The following CREB5 variants were observed in gnomAD, a reference collection of about 807,000 sequenced individuals.
CREB5 encodes cAMP responsive element binding protein 5.
CREB5 carries 19 observed loss-of-function variants against 57.1 expected under a neutral mutation model. That is an observed-to-expected ratio of 0.33 (90% CI 0.23 to 0.49). CREB5 has a LOEUF of 0.49. Ranked by LOEUF, CREB5 falls within the 20% of genes least tolerant of loss-of-function variation. The probability of loss-of-function intolerance (pLI) is 0.99; values close to 1 mark genes in which losing one functional copy is unlikely to be tolerated. For missense variants in CREB5, 579 were observed against 671.6 expected (o/e 0.86, Z 1.52); for synonymous variants, 238 against 238.3 (o/e 1.00, Z 0.01).
At chr7:28,659,565 G>A (rs1799510941) in intron 5 of CREB5, among the ~76,000 whole-genome samples, 1 of 152,102 alleles carries the variant, frequency 6.6e-6, no homozygotes, top group Non-Finnish European at 1.5e-5. Context: ...TGGAAAACAA[G>A]TTATATAAAT....
chr7:28,483,633 C>G (rs994596020), intron 1 of CREB5, among the ~76,000 whole-genome samples: 1 of 152,126 alleles, frequency 6.6e-6, no homozygotes, highest in African/African-American at 2.4e-5. Context: ...CCAAAGGTAT[C>G]GGACTACTCA....
chr7:28,419,707 C>T (rs140679135), intron 1 of CREB5, among the ~76,000 whole-genome samples: 11 of 152,228 alleles, frequency 7.2e-5, no homozygotes, highest in African/African-American at 2.2e-4. Context: ...TGCCCATGGA[C>T]ACATTGTAAC....
At chr7:28,613,781 GT>G (rs1251535927) in intron 5 of CREB5, among the ~76,000 whole-genome samples, 2 of 152,144 alleles carry the variant, frequency 1.3e-5, no homozygotes, top group African/African-American at 4.8e-5. Flanking sequence ...GGCCTCCGCG[GT>G]AATTCACAAA....
At chr7:28,394,062 C>G (rs1317319212) in intron 1 of CREB5, among the ~76,000 whole-genome samples, 3 of 86,102 alleles carry the variant, frequency 3.5e-5, no homozygotes, top group African/African-American at 5.0e-5. Flanking sequence ...TGGAGCAAGA[C>G]TCTGTCTCAA....
rs4722823 is a variant in CREB5 at position 28,610,975 on chromosome 7, G to A, written c.464+40438G>A. On this transcript the variant is annotated intron_variant, in intron 5 of 10. Transcript: ENST00000357727. ...GGAGAGGCATGGGCCAAGGTAGGGGGGTGTGTGTGTGAGTCCCCAGCTTTT... is the reference window on the plus strand; with the variant it reads ...GGAGAGGCATGGGCCAAGGTAGGGGAGTGTGTGTGTGAGTCCCCAGCTTTT... Among the ~76,000 whole-genome samples the A allele has an allele frequency of 5.9e-5, 9 of 151,948 alleles. No individual in the cohort carries two copies. The South Asian group carries it at 1.0e-3, about 18-fold the overall frequency.
At chr7:28,478,666 T>C (rs1398782401) in intron 1 of CREB5, among the ~76,000 whole-genome samples, 1 of 152,208 alleles carries the variant, frequency 6.6e-6, no homozygotes, top group African/African-American at 2.4e-5. Context: ...TCACAAGTGG[T>C]AAGGCATTGG....
At chr7:28,683,161 T>C (rs1800687347) in intron 5 of CREB5, among the ~76,000 whole-genome samples, 2 of 152,180 alleles carry the variant, frequency 1.3e-5, no homozygotes, top group Non-Finnish European at 2.9e-5. Context: ...GCCCCCCTTC[T>C]TCAGAGGAGC....
chr7:28,442,511 T>C (rs544325244), intron 1 of CREB5, among the ~76,000 whole-genome samples: 2 of 152,256 alleles, frequency 1.3e-5, no homozygotes, highest in East Asian at 3.9e-4. Context: ...TTTTTGTTTG[T>C]TTTTTGAGAA....
intron 5 of CREB5, among the ~76,000 whole-genome samples, chr7:28,583,902 T>C (rs553087565): frequency 6.6e-6 from 1 of 152,198 alleles, no homozygotes; most frequent in South Asian, 2.1e-4. Flanking sequence ...GGTCTCGAAC[T>C]CCCAACCTCA....
chr7:28,478,606 T>C (rs1398078663), intron 1 of CREB5, among the ~76,000 whole-genome samples: 1 of 152,166 alleles, frequency 6.6e-6, no homozygotes, highest in East Asian at 1.9e-4. Context: ...ACACATTCTC[T>C]ATGATGGAGC....
intron 5 of CREB5, among the ~76,000 whole-genome samples, chr7:28,619,810 T>A (rs1390855010): frequency 6.6e-6 from 1 of 152,094 alleles, no homozygotes; most frequent in Non-Finnish European, 1.5e-5. Flanking sequence ...TCATAGGAAA[T>A]AGCACTGAAC....
At chr7:28,333,619 C>T (rs1280437729) in intron 1 of CREB5, among the ~76,000 whole-genome samples, 1 of 152,108 alleles carries the variant, frequency 6.6e-6, no homozygotes, top group Non-Finnish European at 1.5e-5. Flanking sequence ...TAATTTTTAG[C>T]TTCCACAAAT....
intron 9 of CREB5, among the ~76,000 whole-genome samples, chr7:28,816,055 G>T (rs1296006469): frequency 2.8e-5 from 4 of 145,258 alleles, no homozygotes; most frequent in Non-Finnish European, 6.1e-5. Context: ...AAATATATAC[G>T]CACACACACA....
intron 1 of CREB5, among the ~76,000 whole-genome samples, chr7:28,332,580 G>A (rs1291818836): frequency 6.6e-6 from 1 of 152,058 alleles, no homozygotes; most frequent in Non-Finnish European, 1.5e-5. Context: ...ACACCTTCCC[G>A]TCTCCTCACA....
At chr7:28,387,128 C>G (rs1583413305) in intron 1 of CREB5, among the ~76,000 whole-genome samples, 1 of 152,074 alleles carries the variant, frequency 6.6e-6, no homozygotes. Flanking sequence ...GTATTTCTAC[C>G]TCTAGGTCTT....
intron 7 of CREB5, among the ~76,000 whole-genome samples, chr7:28,739,328 G>A (rs1804207783): frequency 6.6e-6 from 1 of 152,146 alleles, no homozygotes; most frequent in South Asian, 2.1e-4. Context: ...ACATAGATAA[G>A]GAACATTTCC....
chr7:28,613,781 G>T (rs1797493559), intron 5 of CREB5, among the ~76,000 whole-genome samples: 1 of 152,144 alleles, frequency 6.6e-6, no homozygotes. Flanking sequence ...GGCCTCCGCG[G>T]TAATTCACAA....
chr7:28,762,374 G>A (rs1805708418), intron 7 of CREB5, among the ~76,000 whole-genome samples: 1 of 152,122 alleles, frequency 6.6e-6, no homozygotes, highest in Non-Finnish European at 1.5e-5. Flanking sequence ...AATATATTGT[G>A]CTTGGTGGTT....
intron 7 of CREB5, among the ~76,000 whole-genome samples, chr7:28,771,971 A>G (rs1440730767): frequency 6.6e-6 from 1 of 152,232 alleles, no homozygotes; most frequent in South Asian, 2.1e-4. Flanking sequence ...TAAATTTCCC[A>G]TGAGGAGGAA....
Sources: allele counts gnomAD v4.1 joint callset (sites outside exome capture counted in the v4.1 genomes callset), GRCh38; gene constraint gnomAD v4.1.1; transcripts MANE v1.5; gene names NCBI Gene and HGNC (gene_info 2026-07-23, HGNC 2026-07-21).